The following TRIO variants were observed in gnomAD, a reference collection of about 807,000 sequenced individuals.
TRIO encodes trio Rho guanine nucleotide exchange factor, also known as triple functional domain protein.
A neutral mutation model predicts 351.9 loss-of-function variants in TRIO; 58 were observed. That is an observed-to-expected ratio of 0.16 (90% CI 0.13 to 0.21). The LOEUF is 0.21. Among genes scored for constraint, TRIO ranks in the 10% least tolerant of loss-of-function variants. TRIO has a pLI of 1.00. For synonymous variants in TRIO, 1,758 were observed against 1,595.7 expected (o/e 1.10, Z -2.42); for missense variants, 3,201 against 4,027.8 (o/e 0.79, Z 5.56).
At chr5:14,219,037 G>T (rs1283587935) in intron 1 of TRIO, among the ~76,000 whole-genome samples, 1 of 152,190 alleles carries the variant, frequency 6.6e-6, no homozygotes, top group East Asian at 1.9e-4. Flanking sequence ...CTTGGTCAAG[G>T]TGAAATCTGG....
At chr5:14,320,514 C>T (rs1561336401) in intron 9 of TRIO, among the ~76,000 whole-genome samples, 2 of 152,172 alleles carry the variant, frequency 1.3e-5, no homozygotes, top group Non-Finnish European at 2.9e-5. Flanking sequence ...CCCCACAGCC[C>T]TTCATGTGTG....
intron 24 of TRIO, 132 bp downstream of exon 24, chr5:14,388,811 AT>A: frequency 9.6e-7 from 1 of 1,044,390 alleles, no homozygotes. Context: ...AATGTAAAGT[AT>A]GCTTCAGCAG....
At chr5:14,152,281 A>G (rs183801431) in intron 1 of TRIO, among the ~76,000 whole-genome samples, 3 of 152,370 alleles carry the variant, frequency 2.0e-5, no homozygotes, top group South Asian at 2.1e-4. Flanking sequence ...GCTGGCATGC[A>G]AGGGAACATT....
chr5:14,303,738 G>A (rs1048985372), intron 7 of TRIO, among the ~76,000 whole-genome samples: 1 of 152,196 alleles, frequency 6.6e-6, no homozygotes, highest in Non-Finnish European at 1.5e-5. Context: ...GCCAGGGTTG[G>A]GATGGCAGCC....
intron 47 of TRIO, among the ~76,000 whole-genome samples, chr5:14,486,022 T>C (rs1755891329): frequency 6.6e-6 from 1 of 151,320 alleles, no homozygotes; most frequent in South Asian, 2.1e-4. Flanking sequence ...AGTACTTCCC[T>C]GCTTCCGTGA....
rs188980567 is a variant in TRIO, at chr5:14,418,501, T to A, written c.4960-1277T>A. ...AGCATTTGGAGGGAAAAGAGTGGGG[T>A]TTTTTAGCTTGAGTGACTTGATGGT... On this transcript the variant is annotated intron_variant, in intron 33 of 56. Transcript: ENST00000344204. Among the ~76,000 whole-genome samples, 124 of 147,892 alleles carry A rather than the reference T, an allele frequency of 8.4e-4. 1 individual carries two copies. The highest frequency in any genetic ancestry group is 3.0e-3 in the African/African-American group (121 of 40,840).
intron 34 of TRIO, among the ~76,000 whole-genome samples, chr5:14,454,298 T>C (rs1159791456): frequency 1.3e-5 from 2 of 152,182 alleles, no homozygotes; most frequent in Non-Finnish European, 2.9e-5. Context: ...CTGCTTTACA[T>C]GACAGGCAGT....
At chr5:14,209,952 TCTCCCTGTGTGCTGAG>T (rs971305552) in intron 1 of TRIO, among the ~76,000 whole-genome samples, 1 of 152,088 alleles carries the variant, frequency 6.6e-6, no homozygotes, top group African/African-American at 2.4e-5. Flanking sequence ...CTGCTCCCCC[TCTCCCTGTGTGCTGAG>T]CTCCCTGTGT....
At chr5:14,317,853 G>A (rs531351604) in intron 9 of TRIO, among the ~76,000 whole-genome samples, 3 of 152,142 alleles carry the variant, frequency 2.0e-5, no homozygotes, top group East Asian at 1.9e-4. Context: ...CAGGCCAGGC[G>A]AGGTAGCTCA....
rs377356522 is a variant in TRIO, at chr5:14,481,884, G to A, written c.6465+266G>A. ...CAAGCAGGACCGGGCTTTGTCTCTT[G>A]GGCCCAGTACTGTAAGAGCTGAGTT... On this transcript the variant is annotated intron_variant, in intron 45 of 56. Coordinates refer to ENST00000344204, the MANE Select transcript of TRIO (RefSeq NM_007118.4). 22 of 426,976 alleles carry A rather than the reference G, an allele frequency of 5.2e-5. No individual in the cohort carries two copies. In the Middle Eastern group the frequency reaches 1.9e-3, roughly 37 times the overall value. The allele number at this position is 426,976 out of a possible 1,614,324, so 26.4% of individuals were successfully genotyped here. A position where few individuals can be genotyped will look rare whatever the true frequency, so the allele number is the denominator to read the frequency against.
chr5:14,387,964 C>A, intron 23 of TRIO, 117 bp downstream of exon 23: 2 of 1,068,714 alleles, frequency 1.9e-6, no homozygotes, highest in East Asian at 2.6e-5. Flanking sequence ...CTTTTTGTTG[C>A]TCTGGGTGGA....
intron 1 of TRIO, among the ~76,000 whole-genome samples, chr5:14,235,834 A>T (rs555113120): frequency 5.4e-4 from 82 of 151,876 alleles, no homozygotes; most frequent in African/African-American, 1.5e-3. Flanking sequence ...ATTAAAAAAA[A>T]TTTTTTTTAT....
At chr5:14,441,693 A>G (rs1479776895) in intron 34 of TRIO, among the ~76,000 whole-genome samples, 4 of 152,196 alleles carry the variant, frequency 2.6e-5, no homozygotes, top group African/African-American at 9.7e-5. Context: ...TGTGCTACAA[A>G]TTGCCTTATG....
intron 35 of TRIO, 28 bp downstream of exon 35, chr5:14,461,339 G>A (rs550235106): frequency 4.9e-5 from 74 of 1,495,444 alleles, no homozygotes; most frequent in Admixed American, 1.3e-4. Context: ...GGTTGGGGCC[G>A]GCGTGGCGGG....
chr5:14,493,045 A>G (rs181907273), intron 49 of TRIO, among the ~76,000 whole-genome samples: 177 of 152,328 alleles, frequency 1.2e-3, no homozygotes, highest in Admixed American at 5.7e-3. Flanking sequence ...GTTCTAGCAC[A>G]TTGTTGAGGA....
chr5:14,380,352 C>T (rs181042331), intron 20 of TRIO, among the ~76,000 whole-genome samples: 90 of 151,414 alleles, frequency 5.9e-4, no homozygotes, highest in African/African-American at 2.1e-3. Flanking sequence ...CCTCGCTCCT[C>T]GCTCCTCCCT....
Position 14,396,443 on chromosome 5 carries a change from C to CTTTTTTTTTTTTTTTTTTTTTTTTTTT in TRIO, c.4312-582_4312-556dup, listed in dbSNP as rs1173121592. 9.6e-5 allele frequency among the ~76,000 whole-genome samples: 4 copies of CTTTTTTTTTTTTTTTTTTTTTTTTTTT among 41,554 alleles called. 1 individual carries two copies. Among genetic ancestry groups the CTTTTTTTTTTTTTTTTTTTTTTTTTTT allele is most frequent in the Non-Finnish European group, 1.8e-4 (4 of 22,182 alleles). 27.3% of individuals were successfully genotyped at this position (41,554 alleles called of 152,430 possible). A position where few individuals can be genotyped will look rare whatever the true frequency, so the allele number is the denominator to read the frequency against. ...ATAATAATTAAATATTTCTATTTAT[C>CTTTTTTTTTTTTTTTTTTTTTTTTTTT]TTTTTTTTTTTTTTTTTTTTTTTTT... On this transcript the variant is annotated intron_variant, in intron 28 of 56. Coordinates refer to ENST00000344204, the MANE Select transcript of TRIO (RefSeq NM_007118.4).
chr5:14,315,519 G>A (rs1739309040), intron 8 of TRIO, among the ~76,000 whole-genome samples: 1 of 152,112 alleles, frequency 6.6e-6, no homozygotes, highest in South Asian at 2.1e-4. Context: ...CCAAAGTGCT[G>A]GGATTACAGG....
chr5:14,413,665 AC>A (rs1206802151), intron 33 of TRIO, among the ~76,000 whole-genome samples: 5 of 152,236 alleles, frequency 3.3e-5, no homozygotes, highest in Non-Finnish European at 7.3e-5. Flanking sequence ...CATTTCAGTT[AC>A]CAAATCAGAA....
Sources: allele counts gnomAD v4.1 joint callset (sites outside exome capture counted in the v4.1 genomes callset), GRCh38; gene constraint gnomAD v4.1.1; transcripts MANE v1.5; gene names NCBI Gene and HGNC (gene_info 2026-07-23, HGNC 2026-07-21).